NEGR1: variants seen among roughly 807,000 people sequenced by gnomAD.
The protein encoded by NEGR1 is neuronal growth regulator 1, also known as IgLON family member 4.
A neutral mutation model predicts 40.9 loss-of-function variants in NEGR1; 10 were observed. The ratio of observed to expected loss-of-function variants is 0.24; its 90% CI spans 0.15 to 0.42. The LOEUF is 0.42. NEGR1 is among the 10% of genes least tolerant of loss of function. The pLI, the probability that NEGR1 is intolerant of heterozygous loss-of-function variation, is 1.00. For synonymous variants in NEGR1, 185 were observed against 166.8 expected (o/e 1.11, Z -0.84); for missense variants, 352 against 438.9 (o/e 0.80, Z 1.77).
At chr1:72,053,751 C>T (rs991058371) in intron 1 of NEGR1, among the ~76,000 whole-genome samples, 1 of 150,892 alleles carries the variant, frequency 6.6e-6, no homozygotes, top group Admixed American at 6.6e-5. Context: ...TGTTTTCCAC[C>T]CCTTTTTGCC....
chr1:71,914,780 T>C (rs947867225), intron 2 of NEGR1, among the ~76,000 whole-genome samples: 8 of 152,190 alleles, frequency 5.3e-5, no homozygotes, highest in Non-Finnish European at 1.2e-4. Context: ...TCTGTCTCTG[T>C]CTCTGTGTTT....
At chr1:71,772,262 G>T (rs937617770) in intron 3 of NEGR1, among the ~76,000 whole-genome samples, 2 of 151,996 alleles carry the variant, frequency 1.3e-5, no homozygotes, top group Non-Finnish European at 2.9e-5. Context: ...AAATTAGCTG[G>T]GTGTGGTGGC....
intron 6 of NEGR1, among the ~76,000 whole-genome samples, chr1:71,572,382 T>C (rs890572994): frequency 1.3e-5 from 2 of 152,208 alleles, no homozygotes; most frequent in Non-Finnish European, 2.9e-5. Flanking sequence ...TTATCATCTG[T>C]TTCACAGGGC....
At chr1:72,060,355 A>C (rs1647155319) in intron 1 of NEGR1, among the ~76,000 whole-genome samples, 1 of 151,610 alleles carries the variant, frequency 6.6e-6, no homozygotes, top group Non-Finnish European at 1.5e-5. Context: ...TTAGTTTTTC[A>C]AGGTTTTCAG....
At chr1:72,005,433 C>A (rs1646598360) in intron 1 of NEGR1, among the ~76,000 whole-genome samples, 1 of 152,078 alleles carries the variant, frequency 6.6e-6, no homozygotes, top group Admixed American at 6.6e-5. Flanking sequence ...TGACTTCCAT[C>A]TATATATTCT....
At chr1:71,987,165 TAA>T (rs1646402258) in intron 1 of NEGR1, among the ~76,000 whole-genome samples, 1 of 152,162 alleles carries the variant, frequency 6.6e-6, no homozygotes, top group Non-Finnish European at 1.5e-5. Context: ...CTAGAATTCC[TAA>T]AGAGTTAACG....
chr1:71,464,185 C>A (rs976338511), intron 6 of NEGR1, among the ~76,000 whole-genome samples: 1 of 152,050 alleles, frequency 6.6e-6, no homozygotes, highest in Non-Finnish European at 1.5e-5. Flanking sequence ...TATCTGAAGT[C>A]AAAGTTGACT....
chr1:72,056,557 A>G (rs1352144880), intron 1 of NEGR1, among the ~76,000 whole-genome samples: 1 of 151,376 alleles, frequency 6.6e-6, no homozygotes, highest in Non-Finnish European at 1.5e-5. Context: ...AATTATAGTG[A>G]TTTACTTTAG....
chr1:71,996,649 C>T (rs1229759714), intron 1 of NEGR1, among the ~76,000 whole-genome samples: 4 of 152,072 alleles, frequency 2.6e-5, no homozygotes, highest in Non-Finnish European at 5.9e-5. Flanking sequence ...TGATCCCATT[C>T]CTTCTTGCCT....
At chr1:71,712,205 A>G (rs1300931130) in intron 3 of NEGR1, among the ~76,000 whole-genome samples, 1 of 152,216 alleles carries the variant, frequency 6.6e-6, no homozygotes, top group Non-Finnish European at 1.5e-5. Flanking sequence ...ATATACTACT[A>G]TACATTTACT....
chr1:72,126,506 A>G (rs2100302393), intron 1 of NEGR1, among the ~76,000 whole-genome samples: 1 of 152,264 alleles, frequency 6.6e-6, no homozygotes, highest in East Asian at 1.9e-4. Context: ...CACTCAGTAG[A>G]AGCAGCACCA....
rs1346121194 is a variant in NEGR1, at chr1:72,047,285, T to G, written c.177-111974A>C. ...AAATCCCTAGAAAACCATTTCAATA[T>G]TTATTTCTGAGAGTCTCCTGTCATG... is the stretch of plus-strand genomic sequence containing the variant. On this transcript the variant is annotated intron_variant, in intron 1 of 6. Coordinates refer to ENST00000357731, the MANE Select transcript of NEGR1 (RefSeq NM_173808.3). Among the ~76,000 whole-genome samples the G allele has an allele frequency of 2.0e-5, 3 of 151,442 alleles. No homozygotes were observed. The Admixed American group carries it at 2.0e-4, about 10-fold the overall frequency.
chr1:71,628,293 G>T (rs1250959295), intron 4 of NEGR1, among the ~76,000 whole-genome samples: 1 of 151,828 alleles, frequency 6.6e-6, no homozygotes, highest in Non-Finnish European at 1.5e-5. Flanking sequence ...CTAAGACTTG[G>T]CCCAATATCA....
At chr1:71,851,971 T>C (rs1022853819) in intron 2 of NEGR1, among the ~76,000 whole-genome samples, 3 of 152,178 alleles carry the variant, frequency 2.0e-5, no homozygotes, top group Admixed American at 6.6e-5. Flanking sequence ...CCTATTTACA[T>C]GTGTATTCAG....
intron 1 of NEGR1, among the ~76,000 whole-genome samples, chr1:71,956,882 T>C (rs949841451): frequency 5.3e-5 from 8 of 152,116 alleles, no homozygotes; most frequent in African/African-American, 1.9e-4. Context: ...AGTTCCCTTA[T>C]CTGTAAAACA....
chr1:71,630,228 C>T (rs1447358907), intron 4 of NEGR1, among the ~76,000 whole-genome samples: 2 of 151,880 alleles, frequency 1.3e-5, no homozygotes, highest in Admixed American at 1.3e-4. Context: ...ATGTAAACTG[C>T]AGGATATGAT....
chr1:71,727,703 G>A (rs1329485315), intron 3 of NEGR1, among the ~76,000 whole-genome samples: 1 of 152,126 alleles, frequency 6.6e-6, no homozygotes, highest in Non-Finnish European at 1.5e-5. Flanking sequence ...CAAGACTTGT[G>A]TAGTCTGAAA....
At chr1:71,640,350 C>T (rs1651307565) in intron 4 of NEGR1, among the ~76,000 whole-genome samples, 1 of 151,918 alleles carries the variant, frequency 6.6e-6, no homozygotes, top group African/African-American at 2.4e-5. Flanking sequence ...GGAGCTCCCT[C>T]GAAACTGAAA....
chr1:71,536,580 C>A (rs1292566069), intron 6 of NEGR1, among the ~76,000 whole-genome samples: 2 of 151,686 alleles, frequency 1.3e-5, no homozygotes, highest in East Asian at 2.0e-4. Context: ...AATTATCTAG[C>A]CGCAGGTATT....
Sources: gnomAD v4.1 joint callset for allele counts (sites outside exome capture counted in the v4.1 genomes callset) on GRCh38, gnomAD v4.1.1 for gene constraint, MANE v1.5 for transcripts, NCBI Gene and HGNC (gene_info 2026-07-23, HGNC 2026-07-21) for gene names.